SEC63: variants seen among roughly 807,000 people sequenced by gnomAD.
SEC63 encodes the protein translocation protein SEC63 homolog.
A neutral mutation model predicts 116.2 loss-of-function variants in SEC63; 56 were observed. The observed-to-expected ratio is 0.48, with a 90% CI of 0.39 to 0.60. SEC63 has a LOEUF of 0.60. SEC63 is among the 20% of genes least tolerant of loss of function. SEC63 has a pLI of 0.00. For synonymous variants in SEC63, 273 were observed against 294.6 expected (o/e 0.93, Z 0.75); for missense variants, 668 against 900.0 (o/e 0.74, Z 3.30).
intron 13 of SEC63, among the ~76,000 whole-genome samples, chr6:107,901,031 CT>C (rs956189315): frequency 1.7e-4 from 26 of 152,266 alleles, no homozygotes; most frequent in Admixed American, 1.7e-3. Context: ...TTCTTTCATA[CT>C]AATAATATAC....
At position 107,911,339 on chromosome 6, in the gene SEC63, A is replaced by C; in HGVS notation, c.624+7T>G. ...AAAAAACATTAACTTAAAAAGCTAA[A>C]ACTTACCACAACAACTGGAAGGATA... is the stretch of plus-strand genomic sequence containing the variant. On this transcript the variant is annotated splice_region_variant and intron_variant, in intron 7 of 20. Transcript: ENST00000369002. 6.3e-7 allele frequency: 1 copy of C among 1,597,788 alleles called. No individual in the cohort carries two copies. Among genetic ancestry groups the C allele is most frequent in the Non-Finnish European group, 8.6e-7 (1 of 1,165,738 alleles).
chr6:107,941,534 A>G (rs1319037790), intron 1 of SEC63, among the ~76,000 whole-genome samples: 1 of 152,118 alleles, frequency 6.6e-6, no homozygotes, highest in African/African-American at 2.4e-5. Context: ...AAAAAGAAAG[A>G]AAATTTGGCA....
At chr6:107,916,461 G>A (rs1422184318) in intron 4 of SEC63, among the ~76,000 whole-genome samples, 1 of 152,230 alleles carries the variant, frequency 6.6e-6, no homozygotes, top group Non-Finnish European at 1.5e-5. Flanking sequence ...ACAAAAATAA[G>A]TAAGGTGATA....
intron 8 of SEC63, 46 bp downstream of exon 8, chr6:107,908,881 C>T (rs763541498): frequency 2.4e-5 from 26 of 1,106,136 alleles, no homozygotes; most frequent in Non-Finnish European, 3.0e-5. Flanking sequence ...CCACATAAGT[C>T]ACAAAACAAT....
At chr6:107,888,493 C>G (rs555978342) in intron 16 of SEC63, among the ~76,000 whole-genome samples, 122 of 152,240 alleles carry the variant, frequency 8.0e-4, no homozygotes, top group Middle Eastern at 3.4e-3. Flanking sequence ...AGATTTTGGG[C>G]TGAGACGATG....
At chr6:107,904,034 C>T (rs1787075125) in intron 11 of SEC63, among the ~76,000 whole-genome samples, 1 of 150,856 alleles carries the variant, frequency 6.6e-6, no homozygotes, top group Non-Finnish European at 1.5e-5. Context: ...AGGAGAATCA[C>T]TTGACCCTGG....
intron 16 of SEC63, among the ~76,000 whole-genome samples, chr6:107,887,514 C>T (rs534169391): frequency 4.0e-4 from 59 of 147,806 alleles, no homozygotes; most frequent in East Asian, 3.8e-3. Context: ...AACCAAACAC[C>T]GCATATTCTC....
At chr6:107,871,871 A>G in intron 20 of SEC63, 24 bp from the exon 21 acceptor site, 3 of 1,612,154 alleles carry the variant, frequency 1.9e-6, no homozygotes, top group Non-Finnish European at 2.5e-6. Flanking sequence ...TTAAATGTAG[A>G]CATCAGAAAT....
At chr6:107,927,379 T>C (rs1265131299) in intron 2 of SEC63, among the ~76,000 whole-genome samples, 3 of 152,286 alleles carry the variant, frequency 2.0e-5, no homozygotes, top group South Asian at 2.1e-4. Context: ...AGGGTCATCT[T>C]TAGAAGCAAC....
chr6:107,917,954 T>C (rs1787450123), intron 4 of SEC63, among the ~76,000 whole-genome samples: 1 of 152,176 alleles, frequency 6.6e-6, no homozygotes, highest in South Asian at 2.1e-4. Flanking sequence ...GTAGACAAAA[T>C]AGCCTTATAC....
At chr6:107,875,099 A>G (rs1187315984) in intron 19 of SEC63, among the ~76,000 whole-genome samples, 3 of 151,976 alleles carry the variant, frequency 2.0e-5, no homozygotes, top group Non-Finnish European at 4.4e-5. Flanking sequence ...CCTGGGCTCA[A>G]CTGATCTGCC....
intron 6 of SEC63, among the ~76,000 whole-genome samples, 182 bp downstream of exon 6, chr6:107,912,534 G>T (rs528528783): frequency 6.6e-6 from 1 of 152,326 alleles, no homozygotes; most frequent in South Asian, 2.1e-4. Flanking sequence ...GCAGTGAGCC[G>T]AGATCACGCC....
intron 11 of SEC63, among the ~76,000 whole-genome samples, chr6:107,903,395 CA>C (rs750531944): frequency 2.0e-3 from 286 of 140,610 alleles, no homozygotes; most frequent in Non-Finnish European, 2.3e-3. Context: ...CCTTCCATAC[CA>C]AAAAAAAAAA....
At chr6:107,953,378 C>G (rs1770618976) in intron 1 of SEC63, among the ~76,000 whole-genome samples, 1 of 152,258 alleles carries the variant, frequency 6.6e-6, no homozygotes, top group African/African-American at 2.4e-5. Flanking sequence ...CAGATTTGCC[C>G]CGTCCGGGAA....
chr6:107,886,981 T>C (rs1786544807), intron 16 of SEC63, among the ~76,000 whole-genome samples: 2 of 152,178 alleles, frequency 1.3e-5, no homozygotes, highest in African/African-American at 4.8e-5. Flanking sequence ...TGAGTGGTAT[T>C]GCCTAGGTTT....
intron 1 of SEC63, among the ~76,000 whole-genome samples, chr6:107,956,556 C>G (rs1278204506): frequency 6.6e-6 from 1 of 152,096 alleles, no homozygotes; most frequent in Non-Finnish European, 1.5e-5. Context: ...ATAAACTACC[C>G]ATTGAGTAAA....
intron 19 of SEC63, among the ~76,000 whole-genome samples, chr6:107,875,632 G>A (rs899139859): frequency 6.6e-5 from 10 of 152,030 alleles, no homozygotes; most frequent in African/African-American, 2.2e-4. Flanking sequence ...CCCGGGAGGC[G>A]GAGGTTGCAG....
rs1302422708 is a variant in SEC63 at position 107,924,885 on chromosome 6, T to C, written c.272A>G (p.Tyr91Cys). Residue 91 changes from tyrosine (Y) to cysteine (C), a missense_variant, in exon 3 of 21, where the codon TAT (tyrosine) becomes TGT (cysteine). Tyr to Cys is a radical substitution (Grantham distance 194). Coordinates refer to ENST00000369002, the MANE Select transcript of SEC63 (RefSeq NM_007214.5). ...TTCTCGGTCTGTTTTGGAAACTTTA[T>C]ATGCAAGGAATAAGAACAATGCCCA... is the stretch of plus-strand genomic sequence containing the variant. ...AGWALFLFLA[Y>C]KVSKTDREYQ... The C allele has an allele frequency of 6.2e-7, 1 of 1,606,696 alleles. No individual in the cohort carries two copies. Among genetic ancestry groups the C allele is most frequent in the Non-Finnish European group, 8.5e-7 (1 of 1,173,550 alleles).
rs1786408080 is a variant in SEC63 at position 107,881,207 on chromosome 6, GCT to G, written c.1875_1876del (p.Arg625SerfsTer15). The stretch of plus-strand genomic sequence containing the variant: ...TATTTTTGATTTGGTTTCCAATAGA[GCT>G]CTCTCTTTTCGCTGTATGCTTTGTT... On this transcript the variant is annotated frameshift_variant, in exon 18 of 21. Transcript: ENST00000369002. LOFTEE classifies it high-confidence loss of function. The G allele has an allele frequency of 6.2e-7, 1 of 1,612,954 alleles. No homozygotes were observed. The highest frequency in any genetic ancestry group is 8.5e-7 in the Non-Finnish European group (1 of 1,179,710).
Sources: gnomAD v4.1 joint callset for allele counts (sites outside exome capture counted in the v4.1 genomes callset) on GRCh38, gnomAD v4.1.1 for gene constraint, MANE v1.5 for transcripts, NCBI Gene and HGNC (gene_info 2026-07-23, HGNC 2026-07-21) for gene names.